The following QTMAN variants were observed in gnomAD, a reference collection of about 807,000 sequenced individuals.
QTMAN encodes the protein tRNA-queuosine alpha-mannosyltransferase.
At chr2:144,201,289 T>C in the QTMAN span, among the ~76,000 whole-genome samples, 1 of 152,214 alleles carries the variant, frequency 6.6e-6, no homozygotes, top group East Asian at 1.9e-4. Context: ...TGAGTAAGTA[T>C]TGCCAACAAA....
At chr2:144,211,053 T>G in the QTMAN span, 2 of 152,216 alleles carry the variant, frequency 1.3e-5, no homozygotes, top group African/African-American at 4.8e-5. Context: ...AGAAAACTGC[T>G]TTCTGATTCT....
the QTMAN span, among the ~76,000 whole-genome samples, chr2:144,126,463 T>C: frequency 6.2e-4 from 94 of 152,100 alleles, no homozygotes; most frequent in African/African-American, 2.2e-3. Flanking sequence ...CTGGTTATGA[T>C]TGTGGTTTGA....
the QTMAN span, among the ~76,000 whole-genome samples, chr2:144,024,985 C>T: frequency 1.3e-5 from 2 of 152,166 alleles, no homozygotes; most frequent in Non-Finnish European, 2.9e-5. Flanking sequence ...CCCCATCACA[C>T]GAAATAACTC....
At chr2:144,289,643 C>A in the QTMAN span, among the ~76,000 whole-genome samples, 2 of 151,944 alleles carry the variant, frequency 1.3e-5, no homozygotes, top group Admixed American at 6.6e-5. Flanking sequence ...TAAAGAAAGA[C>A]AAAAGAAATA....
At chr2:144,154,437 T>A in the QTMAN span, among the ~76,000 whole-genome samples, 1 of 152,200 alleles carries the variant, frequency 6.6e-6, no homozygotes, top group African/African-American at 2.4e-5. Context: ...CTAGCTTACA[T>A]AATCAGATAG....
At chr2:144,011,594 T>C in the QTMAN span, 1 of 972,990 alleles carries the variant, frequency 1.0e-6, no homozygotes, top group Non-Finnish European at 1.2e-6. Flanking sequence ...ACACTATTTA[T>C]AATGTACAGT....
chr2:144,013,465 T>C, the QTMAN span, among the ~76,000 whole-genome samples: 88 of 152,162 alleles, frequency 5.8e-4, no homozygotes, highest in African/African-American at 2.0e-3. Flanking sequence ...GCAAAAAGAA[T>C]GAGAAATACA....
At chr2:143,993,995 T>G in the QTMAN span, among the ~76,000 whole-genome samples, 1 of 152,208 alleles carries the variant, frequency 6.6e-6, no homozygotes, top group African/African-American at 2.4e-5. Flanking sequence ...CTTCCTGTAC[T>G]ATGGGCTCCT....
At chr2:144,232,194 T>G in the QTMAN span, among the ~76,000 whole-genome samples, 2 of 152,148 alleles carry the variant, frequency 1.3e-5, no homozygotes, top group African/African-American at 4.8e-5. Context: ...ACAAAGCAAT[T>G]TGAATATTTG....
chr2:144,103,680 G>A, the QTMAN span, among the ~76,000 whole-genome samples: 2 of 152,160 alleles, frequency 1.3e-5, no homozygotes, highest in African/African-American at 4.8e-5. Flanking sequence ...ACCTTGAAAT[G>A]CTGATACTCA....
chr2:144,236,167 C>T, the QTMAN span, among the ~76,000 whole-genome samples: 1 of 152,136 alleles, frequency 6.6e-6, no homozygotes, highest in East Asian at 1.9e-4. Flanking sequence ...CTGTCAAGAA[C>T]CTCTGCTGAG....
the QTMAN span, among the ~76,000 whole-genome samples, chr2:144,312,615 G>A: frequency 3.9e-5 from 6 of 152,194 alleles, no homozygotes; most frequent in Non-Finnish European, 7.3e-5. Flanking sequence ...CCAACTCTCA[G>A]AAATGTTACG....
the QTMAN span, among the ~76,000 whole-genome samples, chr2:144,146,829 A>G: frequency 6.6e-6 from 1 of 151,868 alleles, no homozygotes. Context: ...TTTCTAAAAA[A>G]TCAGGTTCAA....
At chr2:144,234,082 T>C in the QTMAN span, among the ~76,000 whole-genome samples, 1 of 152,166 alleles carries the variant, frequency 6.6e-6, no homozygotes, top group Non-Finnish European at 1.5e-5. Flanking sequence ...TGACCTTGAT[T>C]TCTCCAAAAT....
chr2:144,188,258 A>G, the QTMAN span, among the ~76,000 whole-genome samples: 20 of 152,236 alleles, frequency 1.3e-4, no homozygotes, highest in Admixed American at 1.1e-3. Flanking sequence ...TAGTGAAACT[A>G]AAAGACAAGT....
the QTMAN span, among the ~76,000 whole-genome samples, chr2:144,324,666 A>C: frequency 6.6e-6 from 1 of 152,172 alleles, no homozygotes; most frequent in Non-Finnish European, 1.5e-5. Context: ...CTGATATCAT[A>C]CCCACCTACC....
the QTMAN span, among the ~76,000 whole-genome samples, chr2:144,090,762 G>A: frequency 1.9e-4 from 29 of 152,044 alleles, no homozygotes; most frequent in South Asian, 8.3e-4. Flanking sequence ...TTAATACGTC[G>A]TGTCTCTTCA....
chr2:144,089,614 A>G, the QTMAN span, among the ~76,000 whole-genome samples: 1 of 152,042 alleles, frequency 6.6e-6, no homozygotes, highest in Non-Finnish European at 1.5e-5. Context: ...TTTGGTCATA[A>G]AAAAAGAATA....
the QTMAN span, among the ~76,000 whole-genome samples, chr2:144,050,690 T>C: frequency 2.6e-5 from 4 of 152,326 alleles, no homozygotes; most frequent in African/African-American, 7.2e-5. Context: ...CTAATTCTTA[T>C]AGAAATCTGT....
Sources: allele counts gnomAD v4.1 joint callset (sites outside exome capture counted in the v4.1 genomes callset), GRCh38; gene constraint gnomAD v4.1.1; transcripts MANE v1.5; gene names NCBI Gene and HGNC (gene_info 2026-07-23, HGNC 2026-07-21).